Variants in TMX3 observed in about 807,000 individuals in gnomAD.
TMX3 encodes protein disulfide-isomerase TMX3.
In TMX3, 40 loss-of-function variants were observed where a neutral mutation model predicts 64.4. The observed-to-expected ratio is 0.62, with a 90% CI of 0.48 to 0.81. TMX3 has a LOEUF of 0.81. TMX3 is among the 30% of genes least tolerant of loss of function. TMX3 has a pLI of 0.00. For missense variants in TMX3, 497 were observed against 534.5 expected (o/e 0.93, Z 0.69); for synonymous variants, 189 against 175.7 (o/e 1.08, Z -0.60).
At chr18:68,707,584 T>C (rs538891879) in intron 4 of TMX3, among the ~76,000 whole-genome samples, 6 of 152,214 alleles carry the variant, frequency 3.9e-5, no homozygotes, top group Non-Finnish European at 8.8e-5. Flanking sequence ...AGACTTTTAC[T>C]GGTTTATATG....
intron 8 of TMX3, 93 bp from the exon 9 acceptor site, chr18:68,691,454 A>G (rs966166137): frequency 5.5e-6 from 4 of 728,120 alleles, no homozygotes; most frequent in Middle Eastern, 4.3e-4. Flanking sequence ...CAGAAAACTC[A>G]AACACACATA....
intron 14 of TMX3, 104 bp downstream of exon 14, chr18:68,680,877 G>T: frequency 8.4e-7 from 1 of 1,186,352 alleles, no homozygotes; most frequent in Non-Finnish European, 1.1e-6. Flanking sequence ...CTCTACTCCG[G>T]GTGATGGCCA....
intron 3 of TMX3, 100 bp from the exon 4 acceptor site, chr18:68,710,244 A>G (rs1368737516): frequency 9.3e-7 from 1 of 1,077,996 alleles, no homozygotes; most frequent in African/African-American, 1.6e-5. Context: ...CCCTTTGACT[A>G]AATGATCTAA....
intron 9 of TMX3, chr18:68,690,094 T>C (rs1032802804): frequency 1.3e-5 from 2 of 152,342 alleles, no homozygotes; most frequent in East Asian, 1.9e-4. Flanking sequence ...TAAAACAAAT[T>C]GTTCCTTTTT....
chr18:68,681,795 G>C (rs975619416), intron 13 of TMX3, among the ~76,000 whole-genome samples: 9 of 152,044 alleles, frequency 5.9e-5, no homozygotes, highest in African/African-American at 2.2e-4. Flanking sequence ...GCTTCCACTG[G>C]GCCCTCAATG....
At position 68,683,908 on chromosome 18, in the gene TMX3, T is replaced by C. The variant is rs1049414417; in HGVS notation, c.848+282A>G. On this transcript the variant is annotated intron_variant, in intron 12 of 15. Coordinates refer to ENST00000299608, the MANE Select transcript of TMX3 (RefSeq NM_019022.5). Reference sequence around the variant, plus strand: ...TGTTCTATTTTATTATTAATTACTGTTGTTGATCTCTTACTGTACCTAATG... The same window carrying C: ...TGTTCTATTTTATTATTAATTACTGCTGTTGATCTCTTACTGTACCTAATG... 1.1e-4 allele frequency among the ~76,000 whole-genome samples: 17 copies of C among 152,150 alleles called. 1 individual carries two copies. Among genetic ancestry groups the C allele is most frequent in the African/African-American group, 4.1e-4 (17 of 41,452 alleles).
chr18:68,707,926 T>C (rs1224086858), intron 4 of TMX3, among the ~76,000 whole-genome samples: 1 of 148,610 alleles, frequency 6.7e-6, no homozygotes, highest in African/African-American at 2.5e-5. Context: ...TGTGTGTATA[T>C]GTGTATATAT....
At position 68,674,080 on chromosome 18, in the gene TMX3, A is replaced by G. The variant is rs1434118813; in HGVS notation, c.*2853T>C. ...GCAAAACACACACAAAAAGTCACTA[A>G]CAATATCCACTAAACAAAAACAGTA... On this transcript the variant is annotated 3_prime_UTR_variant, in exon 16 of 16. Transcript: ENST00000299608. 1 of 152,172 alleles carries G rather than the reference A, an allele frequency of 6.6e-6. No homozygotes were observed. Among genetic ancestry groups the G allele is most frequent in the African/African-American group, 2.4e-5 (1 of 41,440 alleles). The allele number at this position is 152,172 out of a possible 1,614,324, so 9.4% of individuals were successfully genotyped here.
chr18:68,713,697 A>C (rs2031553431), intron 2 of TMX3, 149 bp downstream of exon 2: 1 of 385,622 alleles, frequency 2.6e-6, no homozygotes. Context: ...TCTTCTGGGC[A>C]CACCCTCACC....
intron 1 of TMX3, 109 bp from the exon 2 acceptor site, chr18:68,714,009 A>G (rs1332768255): frequency 1.7e-6 from 1 of 586,014 alleles, no homozygotes; most frequent in Non-Finnish European, 2.8e-6. Flanking sequence ...CTACCAAAAA[A>G]TTCATCACTG....
At chr18:68,705,706 C>A (rs75652415) in intron 4 of TMX3, among the ~76,000 whole-genome samples, 3 of 152,146 alleles carry the variant, frequency 2.0e-5, no homozygotes, top group African/African-American at 7.2e-5. Context: ...AGCTAAAACA[C>A]CTATCTGAAT....
intron 4 of TMX3, among the ~76,000 whole-genome samples, chr18:68,705,262 T>C (rs8087968): frequency 0.039 from 5,876 of 152,034 alleles, 276 homozygotes; most frequent in African/African-American, 0.11. Context: ...TGGTCCAAAA[T>C]GTCAATAGTG....
chr18:68,690,549 C>G (rs1009965666), intron 9 of TMX3, among the ~76,000 whole-genome samples: 2 of 152,046 alleles, frequency 1.3e-5, no homozygotes, highest in Admixed American at 1.3e-4. Flanking sequence ...TTTCAAAATA[C>G]CAAGGAATGA....
Position 68,674,522 on chromosome 18 carries a change from A to G in TMX3, c.*2411T>C, listed in dbSNP as rs1392271569. The G allele has an allele frequency of 6.6e-6, 1 of 152,058 alleles. No homozygotes were observed. The highest frequency in any genetic ancestry group is 2.4e-5 in the African/African-American group (1 of 41,420). 9.4% of individuals were successfully genotyped at this position (152,058 alleles called of 1,614,324 possible). A position where few individuals can be genotyped will look rare whatever the true frequency, so the allele number is the denominator to read the frequency against. On this transcript the variant is annotated 3_prime_UTR_variant, in exon 16 of 16. Transcript: ENST00000299608. ...ATTATTCATATAGAATCATGACAAA[A>G]TTTACCATGGAATTAGAATGATACC...
intron 3 of TMX3, among the ~76,000 whole-genome samples, chr18:68,710,503 C>A (rs574094294): frequency 6.6e-6 from 1 of 151,952 alleles, no homozygotes; most frequent in East Asian, 1.9e-4. Context: ...ACATACACAC[C>A]TAATTGTTAA....
At chr18:68,709,653 T>C (rs957338207) in intron 4 of TMX3, among the ~76,000 whole-genome samples, 1 of 152,130 alleles carries the variant, frequency 6.6e-6, no homozygotes, top group African/African-American at 2.4e-5. Context: ...ACTCAATTCG[T>C]CCTTTAAGTT....
At chr18:68,678,415 G>A (rs1045481469) in intron 15 of TMX3, among the ~76,000 whole-genome samples, 3 of 152,006 alleles carry the variant, frequency 2.0e-5, no homozygotes, top group African/African-American at 4.8e-5. Context: ...GAACAATTTC[G>A]TAAGAGTGTC....
At chr18:68,680,364 G>C (rs1225607841) in intron 14 of TMX3, among the ~76,000 whole-genome samples, 1 of 152,072 alleles carries the variant, frequency 6.6e-6, no homozygotes, top group Non-Finnish European at 1.5e-5. Context: ...GTGGTTTCAT[G>C]ACTTTCTAAT....
chr18:68,680,281 C>T (rs185342381), intron 14 of TMX3, among the ~76,000 whole-genome samples: 3 of 152,194 alleles, frequency 2.0e-5, no homozygotes, highest in East Asian at 1.9e-4. Flanking sequence ...GCAATGAAGG[C>T]GCTTTCTTTT....
Sources: gnomAD v4.1 joint callset for allele counts (sites outside exome capture counted in the v4.1 genomes callset) on GRCh38, gnomAD v4.1.1 for gene constraint, MANE v1.5 for transcripts, NCBI Gene and HGNC (gene_info 2026-07-23, HGNC 2026-07-21) for gene names.